Variants in SBF2 observed in about 807,000 individuals in gnomAD.
SBF2 encodes SET binding factor 2, also known as myotubularin-related protein 13.
In SBF2, 112 loss-of-function variants were observed where a neutral mutation model predicts 225.2. The observed-to-expected ratio is 0.50, with a 90% CI of 0.43 to 0.58. SBF2 has a LOEUF of 0.58. Among genes scored for constraint, SBF2 ranks in the 20% least tolerant of loss-of-function variants. The pLI, the probability that SBF2 is intolerant of heterozygous loss-of-function variation, is 0.00. For synonymous variants in SBF2, 763 were observed against 773.3 expected (o/e 0.99, Z 0.22); for missense variants, 1,996 against 2,206.2 (o/e 0.90, Z 1.91).
intron 33 of SBF2, among the ~76,000 whole-genome samples, chr11:9,793,797 C>G (rs1374088734): frequency 2.6e-5 from 4 of 152,084 alleles, no homozygotes; most frequent in African/African-American, 7.2e-5. Context: ...TAAAAGCTCC[C>G]CAGGTGATTC....
intron 33 of SBF2, chr11:9,790,924 G>A (rs567825570): frequency 2.5e-6 from 1 of 399,502 alleles, no homozygotes; most frequent in Non-Finnish European, 4.6e-6. Flanking sequence ...GCAGCCAGCA[G>A]TCTATCAATC....
At position 9,808,183 on chromosome 11, in the gene SBF2, C is replaced by A; in HGVS notation, c.4260G>T (p.Val1420=). 2 of 1,613,564 alleles carry A rather than the reference C, an allele frequency of 1.2e-6. No individual in the cohort carries two copies. The highest frequency in any genetic ancestry group is 1.7e-6 in the Non-Finnish European group (2 of 1,179,782). ...CACTGAGTAACTGAACCAGGGATGT[C>A]ACCTAGGGCATAAGCAGGATGGATT... ...LEEGWDITAQ[V]TSLVQLLSDP... Residue 1420 remains valine, a splice_region_variant and synonymous_variant, in exon 32 of 40, where the codon GTG becomes GTT. Coordinates refer to ENST00000256190, the MANE Select transcript of SBF2 (RefSeq NM_030962.4).
intron 1 of SBF2, among the ~76,000 whole-genome samples, chr11:10,282,600 T>G (rs1232274490): frequency 2.6e-5 from 4 of 152,186 alleles, no homozygotes; most frequent in African/African-American, 7.2e-5. Context: ...TCTCATCCAC[T>G]CTTTCTACTT....
At chr11:9,905,557 A>G (rs1011676909) in intron 16 of SBF2, among the ~76,000 whole-genome samples, 1 of 152,236 alleles carries the variant, frequency 6.6e-6, no homozygotes, top group African/African-American at 2.4e-5. Context: ...GGGATGACAA[A>G]TAAGAACACA....
chr11:9,907,120 C>T (rs571329095), intron 16 of SBF2, among the ~76,000 whole-genome samples: 1 of 152,306 alleles, frequency 6.6e-6, no homozygotes, highest in East Asian at 1.9e-4. Flanking sequence ...AAAACATTTG[C>T]ATCTTCTACA....
At chr11:10,061,136 T>G (rs1950429837) in intron 2 of SBF2, among the ~76,000 whole-genome samples, 1 of 152,112 alleles carries the variant, frequency 6.6e-6, no homozygotes, top group East Asian at 1.9e-4. Context: ...GAAAGGGCCT[T>G]TGATAAAATT....
chr11:10,100,107 C>A (rs1952214080), intron 2 of SBF2, among the ~76,000 whole-genome samples: 1 of 152,170 alleles, frequency 6.6e-6, no homozygotes, highest in African/African-American at 2.4e-5. Flanking sequence ...ACAAAAGACT[C>A]ATTTTAACTT....
intron 16 of SBF2, among the ~76,000 whole-genome samples, chr11:9,925,864 A>G (rs923386197): frequency 6.6e-6 from 1 of 152,212 alleles, no homozygotes; most frequent in African/African-American, 2.4e-5. Flanking sequence ...TTAGAAAATT[A>G]TGGCAGGGGA....
intron 17 of SBF2, among the ~76,000 whole-genome samples, chr11:9,862,362 C>G (rs1857823938): frequency 6.6e-6 from 1 of 152,166 alleles, no homozygotes; most frequent in African/African-American, 2.4e-5. Flanking sequence ...ATGGCTTGAT[C>G]TACAAATTGC....
Position 10,031,048 on chromosome 11 carries a change from C to T in SBF2, c.402G>A (p.Arg134=). 1 of 1,610,886 alleles carries T rather than the reference C, an allele frequency of 6.2e-7. No individual in the cohort carries two copies. Among genetic ancestry groups the T allele is most frequent in the Non-Finnish European group, 8.5e-7 (1 of 1,177,598 alleles). Reference sequence around the variant, plus strand: ...ATAATGATAACTATGTGTTCTTTACCCTAAAAATTTCTGGATAATATAATC... The same window carrying T: ...ATAATGATAACTATGTGTTCTTTACTCTAAAAATTTCTGGATAATATAATC... ...VSRLYYPEIF[R]ACLGLIYTVY... The change falls in exon 4 of 40, where the codon AGG becomes AGA. Residue 134 remains arginine, a splice_region_variant and synonymous_variant. Coordinates refer to ENST00000256190, the MANE Select transcript of SBF2 (RefSeq NM_030962.4).
chr11:10,272,559 C>T (rs566943836), intron 1 of SBF2, among the ~76,000 whole-genome samples: 1 of 151,950 alleles, frequency 6.6e-6, no homozygotes, highest in African/African-American at 2.4e-5. Flanking sequence ...AAAGTGCGAA[C>T]TCACCAGTTC....
chr11:10,232,492 T>C (rs968319592), intron 1 of SBF2, among the ~76,000 whole-genome samples: 6 of 152,192 alleles, frequency 3.9e-5, no homozygotes, highest in African/African-American at 9.6e-5. Context: ...AGGAAATACA[T>C]AGACCAAAAT....
At chr11:10,249,150 A>C (rs1460397520) in intron 1 of SBF2, among the ~76,000 whole-genome samples, 1 of 152,198 alleles carries the variant, frequency 6.6e-6, no homozygotes, top group Non-Finnish European at 1.5e-5. Flanking sequence ...CTAAATTTAA[A>C]GGGGTATTAT....
chr11:10,100,448 TG>T (rs1326812962), intron 2 of SBF2, among the ~76,000 whole-genome samples: 1 of 152,246 alleles, frequency 6.6e-6, no homozygotes. Flanking sequence ...GGGCTGATTC[TG>T]GCAATCTCTC....
intron 2 of SBF2, among the ~76,000 whole-genome samples, chr11:10,068,267 T>C (rs144880579): frequency 8.5e-5 from 13 of 152,340 alleles, no homozygotes; most frequent in Non-Finnish European, 1.8e-4. Flanking sequence ...GCAATTGAGT[T>C]CTGATTACAA....
chr11:9,891,158 G>A (rs1474874720), intron 17 of SBF2, among the ~76,000 whole-genome samples: 1 of 151,740 alleles, frequency 6.6e-6, no homozygotes, highest in Non-Finnish European at 1.5e-5. Context: ...AAAGTTAAAT[G>A]GTGGCTTGTG....
intron 19 of SBF2, among the ~76,000 whole-genome samples, chr11:9,855,005 T>G (rs983825140): frequency 3.3e-5 from 5 of 152,214 alleles, no homozygotes; most frequent in Non-Finnish European, 5.9e-5. Context: ...ATCTTACAAA[T>G]TAAACAGATA....
At chr11:10,065,798 A>C (rs1029436633) in intron 2 of SBF2, among the ~76,000 whole-genome samples, 1 of 152,116 alleles carries the variant, frequency 6.6e-6, no homozygotes, top group Non-Finnish European at 1.5e-5. Context: ...AAATACAAAA[A>C]CTAGCCAGGT....
Position 9,993,064 on chromosome 11 carries a change from G to C in SBF2, c.1093C>G (p.Gln365Glu), listed in dbSNP as rs749551694. 6.2e-7 allele frequency: 1 copy of C among 1,612,516 alleles called. No individual in the cohort carries two copies. The highest frequency in any genetic ancestry group is 8.5e-7 in the Non-Finnish European group (1 of 1,179,688). Residue 365 changes from glutamine (Q) to glutamate (E), a missense_variant, in exon 11 of 40, where the codon CAA (glutamine) becomes GAA (glutamate). Physicochemically the swap from Gln to Glu is conservative, Grantham distance 29 (BLOSUM62 2). Transcript: ENST00000256190. The stretch of plus-strand genomic sequence containing the variant: ...CAGGATCTATATCCTTGGAAGAGTT[G>C]TGCAAATAATCTAAGGAAAACGGCT... ...VRAVFLRLFA[Q>E]LFQGYRSCLQ...
Sources: gnomAD v4.1 joint callset for allele counts (sites outside exome capture counted in the v4.1 genomes callset) on GRCh38, gnomAD v4.1.1 for gene constraint, MANE v1.5 for transcripts, NCBI Gene and HGNC (gene_info 2026-07-23, HGNC 2026-07-21) for gene names.